Variants in PCDHGA9 observed in about 807,000 individuals in gnomAD.
The protein encoded by PCDHGA9 is protocadherin gamma subfamily A, 9, also known as protocadherin gamma-A9.
A neutral mutation model predicts 62.5 loss-of-function variants in PCDHGA9; 37 were observed. The ratio of observed to expected loss-of-function variants is 0.59; its 90% confidence interval spans 0.46 to 0.78. The LOEUF is 0.78. Among genes scored for constraint, PCDHGA9 ranks in the 30% least tolerant of loss-of-function variants. The probability of loss-of-function intolerance (pLI) is 0.00; values close to 1 mark genes in which losing one functional copy is unlikely to be tolerated. For missense variants in PCDHGA9, 1,138 were observed against 1,166.2 expected, an observed-to-expected ratio of 0.98 and a Z score of 0.35; for synonymous variants, 459 against 484.6, an observed-to-expected ratio of 0.95 and a Z score of 0.69.
intron 1 of PCDHGA9, chr5:141,408,182 C>G: frequency 6.5e-7 from 1 of 1,537,898 alleles, no homozygotes; most frequent in Non-Finnish European, 8.8e-7. Flanking sequence ...AGCGGGGACC[C>G]AGCGAGAACC....
chr5:141,408,974 G>C lies in PCDHGA9; in HGVS notation c.2424+3598G>C, dbSNP rs899313364. 8.7e-6 allele frequency: 14 copies of C among 1,613,690 alleles called. No individual in the cohort carries two copies. In the African/African-American group the frequency reaches 1.9e-4, roughly 22 times the overall value. On this transcript the variant is annotated intron_variant, in intron 1 of 3. Transcript: ENST00000573521. ...TAGTCTTAGTGAAAATCTGCCCCCT[G>C]GGTCCCCTGTGTTGCAAGTGACAGC...
chr5:141,418,273 A>C, intron 1 of PCDHGA9: 1 of 1,614,082 alleles, frequency 6.2e-7, no homozygotes, highest in South Asian at 1.1e-5. Context: ...AAGATGAAAT[A>C]AACTTAGAAA....
At chr5:141,428,489 T>C (rs2097142285) in intron 1 of PCDHGA9, 1 of 312,516 alleles carries the variant, frequency 3.2e-6, no homozygotes. Context: ...TCCTGCAATC[T>C]GTATGTTCCC....
Position 141,491,797 on chromosome 5 carries a change from G to C in PCDHGA9, c.2425-3010G>C, listed in dbSNP as rs537755017. The C allele has an allele frequency of 7.9e-5, 119 of 1,506,700 alleles. No homozygotes were observed. In the Admixed American group the frequency reaches 1.4e-3, roughly 18 times the overall value. 93.3% of individuals were successfully genotyped at this position (1,506,700 alleles called of 1,614,324 possible). On this transcript the variant is annotated intron_variant, in intron 1 of 3. Coordinates refer to ENST00000573521, the MANE Select transcript of PCDHGA9 (RefSeq NM_018921.3). The surrounding 1 kb of genome is among the most constrained non-coding windows in gnomAD (Gnocchi z 6.9). The stretch of plus-strand genomic sequence containing the variant: ...ATTGAACTTGCATCCACTCCTCTCC[G>C]GCCGGCTTGGTCGCTGGCTGCGCTC...
At chr5:141,422,997 C>A in intron 1 of PCDHGA9, 3 of 1,614,218 alleles carry the variant, frequency 1.9e-6, no homozygotes, top group Non-Finnish European at 2.5e-6. Flanking sequence ...ACCTGGTGAC[C>A]AAGGTGGTTG....
chr5:141,498,254 G>A (rs550611179), intron 2 of PCDHGA9, among the ~76,000 whole-genome samples: 2 of 152,338 alleles, frequency 1.3e-5, no homozygotes, highest in East Asian at 3.9e-4. Context: ...AGCAGGGCTG[G>A]TGTTGAGTTC....
intron 1 of PCDHGA9, among the ~76,000 whole-genome samples, chr5:141,459,546 C>T (rs575349914): frequency 9.9e-5 from 15 of 152,102 alleles, no homozygotes; most frequent in African/African-American, 3.6e-4. Flanking sequence ...TTTTTTATTT[C>T]TCTTGGATAA....
chr5:141,431,907 T>A lies in PCDHGA9; in HGVS notation c.2424+26531T>A, dbSNP rs2097427946. 2 of 1,613,964 alleles carry A rather than the reference T, an allele frequency of 1.2e-6. No homozygotes were observed. Among genetic ancestry groups the A allele is most frequent in the South Asian group, 2.2e-5 (2 of 91,086 alleles). Reference sequence around the variant, plus strand: ...GATTCTGAGGAAAACGGACAGGTGATCTGTTTCATCCAAGGAAATCTGCCC... The same window carrying A: ...GATTCTGAGGAAAACGGACAGGTGAACTGTTTCATCCAAGGAAATCTGCCC... On this transcript the variant is annotated intron_variant, in intron 1 of 3. Transcript: ENST00000573521. This position sits in a 1 kb window ranked among gnomAD's most constrained non-coding sequence, Gnocchi z 4.8.
At chr5:141,451,954 G>A (rs2098729151) in intron 1 of PCDHGA9, among the ~76,000 whole-genome samples, 1 of 152,084 alleles carries the variant, frequency 6.6e-6, no homozygotes, top group Non-Finnish European at 1.5e-5. Flanking sequence ...CCGAGAAAGT[G>A]ACATACCATC....
Position 141,486,230 on chromosome 5 carries a change from A to C in PCDHGA9, c.2425-8577A>C. On this transcript the variant is annotated intron_variant, in intron 1 of 3. Coordinates refer to ENST00000573521, the MANE Select transcript of PCDHGA9 (RefSeq NM_018921.3). The surrounding 1 kb of genome is among the most constrained non-coding windows in gnomAD (Gnocchi z 5.0). ...TGACAATGCCCCTTACATCACAGTGACCTCAGAGCTTGGAACCCTCCCCGA... is the reference window on the plus strand; with the variant it reads ...TGACAATGCCCCTTACATCACAGTGCCCTCAGAGCTTGGAACCCTCCCCGA... The C allele has an allele frequency of 6.2e-7, 1 of 1,614,016 alleles. No individual in the cohort carries two copies. Among genetic ancestry groups the C allele is most frequent in the Non-Finnish European group, 8.5e-7 (1 of 1,179,964 alleles).
intron 1 of PCDHGA9, chr5:141,421,949 C>T (rs749189262): frequency 6.2e-6 from 10 of 1,612,856 alleles, no homozygotes; most frequent in Non-Finnish European, 6.8e-6. Flanking sequence ...GATCACATCC[C>T]AATGTTTACA....
chr5:141,427,646 C>A, intron 1 of PCDHGA9: 1 of 715,440 alleles, frequency 1.4e-6, no homozygotes, highest in East Asian at 2.7e-5. Context: ...ACCAAGTCTC[C>A]TACGTGGTCC....
chr5:141,413,981 C>A (rs563161887), intron 1 of PCDHGA9: 1 of 1,613,452 alleles, frequency 6.2e-7, no homozygotes, highest in Admixed American at 1.7e-5. Context: ...CTGACAGTCA[C>A]AGCCACCGAC....
intron 1 of PCDHGA9, among the ~76,000 whole-genome samples, chr5:141,447,954 CGGACACCTA>C (rs2098556369): frequency 6.6e-6 from 1 of 151,814 alleles, no homozygotes; most frequent in Non-Finnish European, 1.5e-5. Context: ...GGCATGGTGG[CGGACACCTA>C]TAATCCCAGC....
intron 1 of PCDHGA9, chr5:141,478,470 G>A (rs753075137): frequency 1.2e-6 from 2 of 1,613,686 alleles, no homozygotes; most frequent in Non-Finnish European, 1.7e-6. Context: ...CTGGCCAGCC[G>A]CCAGAACACG....
intron 1 of PCDHGA9, chr5:141,428,460 T>G (rs558111052): frequency 2.8e-6 from 1 of 351,434 alleles, no homozygotes; most frequent in African/African-American, 2.1e-5. Context: ...CCAACTACAA[T>G]GAGGGAACTT....
intron 1 of PCDHGA9, chr5:141,433,024 C>A: frequency 6.2e-7 from 1 of 1,614,168 alleles, no homozygotes; most frequent in African/African-American, 1.3e-5. Flanking sequence ...CCTATTCCCA[C>A]GAGGTTTCCC....
intron 1 of PCDHGA9, among the ~76,000 whole-genome samples, chr5:141,444,006 G>T (rs1279816416): frequency 2.0e-5 from 3 of 152,012 alleles, no homozygotes; most frequent in Non-Finnish European, 4.4e-5. Flanking sequence ...TGCTACCTGG[G>T]TATTGGCTTC....
Position 141,432,292 on chromosome 5 carries a change from T to C in PCDHGA9, c.2424+26916T>C, listed in dbSNP as rs1339412798. 2 of 1,614,078 alleles carry C rather than the reference T, an allele frequency of 1.2e-6. No individual in the cohort carries two copies. The highest frequency in any genetic ancestry group is 2.2e-5 in the East Asian group (1 of 44,888). On this transcript the variant is annotated intron_variant, in intron 1 of 3. Coordinates refer to ENST00000573521, the MANE Select transcript of PCDHGA9 (RefSeq NM_018921.3). The surrounding 1 kb of genome is among the most constrained non-coding windows in gnomAD (Gnocchi z 6.0). ...CCTACGTGTCCATCAACTCCGACAC[T>C]GGGGTACTGTATGCGCTGAGCTCCT...
Sources: gnomAD v4.1 joint callset for allele counts (sites outside exome capture counted in the v4.1 genomes callset) on GRCh38, gnomAD v4.1.1 for gene constraint, Gnocchi (gnomAD v3.1) non-coding constraint, MANE v1.5 for transcripts, NCBI Gene and HGNC (gene_info 2026-07-23, HGNC 2026-07-21) for gene names.